Variants in FMN1 observed in about 807,000 individuals in gnomAD.
The protein encoded by FMN1 is formin-1.
Under a neutral mutation model 132.4 loss-of-function variants are expected in FMN1, and 110 were observed. The ratio of observed to expected loss-of-function variants is 0.83; its 90% CI spans 0.71 to 0.97. The LOEUF (loss-of-function observed/expected upper bound fraction) is 0.97. Among genes scored for constraint, FMN1 ranks in the 50% least tolerant of loss-of-function variants. The pLI, the probability that FMN1 is intolerant of heterozygous loss-of-function variation, is 0.00. For missense variants in FMN1, 1,792 were observed against 1,705.3 expected (o/e 1.05, Z -0.90); for synonymous variants, 722 against 651.7 (o/e 1.11, Z -1.64).
intron 14 of FMN1, among the ~76,000 whole-genome samples, chr15:32,899,619 A>C (rs1034678664): frequency 9.8e-5 from 15 of 152,326 alleles, no homozygotes; most frequent in Admixed American, 8.5e-4. Flanking sequence ...GAATGAGTAA[A>C]CTACTAGTAG....
At chr15:32,903,201 G>A (rs1426047861) in intron 12 of FMN1, among the ~76,000 whole-genome samples, 2 of 151,956 alleles carry the variant, frequency 1.3e-5, no homozygotes, top group African/African-American at 2.4e-5. Flanking sequence ...ATGAAAGCAA[G>A]GAATATCCAT....
Position 32,910,489 on chromosome 15 carries a change from T to A in FMN1, c.3273A>T (p.Ala1091=). 6.3e-7 allele frequency: 1 copy of A among 1,579,744 alleles called. No individual in the cohort carries two copies. The highest frequency in any genetic ancestry group is 1.3e-5 in the African/African-American group (1 of 74,310). The change falls in exon 11 of 21, where the codon GCA becomes GCT. Residue 1091 remains alanine (A), a synonymous_variant. Coordinates refer to ENST00000616417, the MANE Select transcript of FMN1 (RefSeq NM_001277313.2). ...TGACACTCACGTTTTCATATAAGGC[T>A]GCCAGGGTCTCCAGATCAACCACGG... The part of the protein sequence containing the change: ...DDSVVDLETL[A]ALYENRAQED...
intron 7 of FMN1, among the ~76,000 whole-genome samples, chr15:32,972,330 G>A (rs1284298483): frequency 6.6e-6 from 1 of 152,002 alleles, no homozygotes; most frequent in East Asian, 1.9e-4. Flanking sequence ...AATTCCTTTA[G>A]CTATGGCACT....
chr15:32,913,987 T>C (rs1057316847), intron 10 of FMN1, among the ~76,000 whole-genome samples: 1 of 152,168 alleles, frequency 6.6e-6, no homozygotes, highest in Non-Finnish European at 1.5e-5. Flanking sequence ...ATCATGGTTG[T>C]TTGCTTCTTC....
Position 33,045,164 on chromosome 15 carries a change from T to C in FMN1, c.2161+19793A>G, listed in dbSNP as rs558221581. ...AGCCGTGGAAGCTGCTTGTGGTACA[T>C]AGTCCAGCCATAGCCTCGCAGGGAG... On this transcript the variant is annotated intron_variant, in intron 6 of 20. Transcript: ENST00000616417. 5.9e-5 allele frequency among the ~76,000 whole-genome samples: 9 copies of C among 152,356 alleles called. No individual in the cohort carries two copies. In the South Asian group the frequency reaches 1.9e-3, roughly 32 times the overall value.
intron 16 of FMN1, 65 bp from the exon 17 acceptor site, chr15:32,857,172 G>A (rs2059152759): frequency 4.0e-6 from 5 of 1,237,752 alleles, no homozygotes; most frequent in Non-Finnish European, 6.0e-6. Context: ...CTATGGGCCA[G>A]GTACTGTGCT....
intron 6 of FMN1, among the ~76,000 whole-genome samples, chr15:33,014,141 T>C (rs2034898773): frequency 6.6e-6 from 1 of 152,262 alleles, no homozygotes; most frequent in South Asian, 2.1e-4. Context: ...CTAATGCCTT[T>C]ACTACTGGCA....
At chr15:33,137,722 C>T (rs928454640) in intron 4 of FMN1, among the ~76,000 whole-genome samples, 2 of 152,194 alleles carry the variant, frequency 1.3e-5, no homozygotes, top group African/African-American at 4.8e-5. Context: ...TACATGATTA[C>T]AGACATCAGA....
intron 17 of FMN1, among the ~76,000 whole-genome samples, chr15:32,810,300 G>GT (rs1005784221): frequency 3.9e-5 from 6 of 152,192 alleles, no homozygotes; most frequent in South Asian, 2.1e-4. Context: ...TTAAGTGCCT[G>GT]TTTTTTGGCA....
At chr15:33,127,031 T>C (rs181106211) in intron 4 of FMN1, among the ~76,000 whole-genome samples, 19 of 152,268 alleles carry the variant, frequency 1.2e-4, no homozygotes, top group African/African-American at 4.6e-4. Flanking sequence ...AACTGCAAGA[T>C]GCATGTTGCA....
intron 16 of FMN1, chr15:32,860,861 A>G (rs1287431326): frequency 6.6e-6 from 1 of 152,170 alleles, no homozygotes; most frequent in African/African-American, 2.4e-5. Context: ...AATGTCCACC[A>G]CCTCATCCCA....
chr15:33,021,926 A>G lies in FMN1; in HGVS notation c.2162-13851T>C, dbSNP rs541351775. ...TGGCCACAAAACAAATCTTCTAGAAAAGGCACACACTTAACTAGAATAAAA... is the reference window on the plus strand; with the variant it reads ...TGGCCACAAAACAAATCTTCTAGAAGAGGCACACACTTAACTAGAATAAAA... On this transcript the variant is annotated intron_variant, in intron 6 of 20. Coordinates refer to ENST00000616417, the MANE Select transcript of FMN1 (RefSeq NM_001277313.2). Among the ~76,000 whole-genome samples, 8 of 152,332 alleles carry G rather than the reference A, an allele frequency of 5.3e-5. No homozygotes were observed. The South Asian group carries it at 1.4e-3, about 28-fold the overall frequency.
intron 4 of FMN1, among the ~76,000 whole-genome samples, chr15:33,152,767 A>T (rs1237036369): frequency 3.6e-5 from 4 of 110,022 alleles, no homozygotes; most frequent in Non-Finnish European, 6.7e-5. Flanking sequence ...ACGCAACCAC[A>T]GAAGTAACTT....
intron 17 of FMN1, among the ~76,000 whole-genome samples, chr15:32,823,155 T>TG (rs1419947220): frequency 1.4e-4 from 5 of 36,452 alleles, no homozygotes; most frequent in Non-Finnish European, 3.0e-4. Flanking sequence ...TTCTACTGTT[T>TG]TTTTTTTTTT....
At chr15:33,067,391 C>T (rs768145177) in intron 5 of FMN1, 2 of 1,613,982 alleles carry the variant, frequency 1.2e-6, no homozygotes, top group Admixed American at 1.7e-5. Flanking sequence ...GGACTTTGGG[C>T]CATTGGTGCT....
chr15:33,117,078 A>T (rs930398675), intron 4 of FMN1, among the ~76,000 whole-genome samples: 16 of 152,164 alleles, frequency 1.1e-4, no homozygotes, highest in African/African-American at 3.9e-4. Flanking sequence ...CCTATTTGAA[A>T]TAAAGTTAGC....
At chr15:32,836,968 T>C (rs1431115017) in intron 17 of FMN1, 1 of 220,840 alleles carries the variant, frequency 4.5e-6, no homozygotes, top group Non-Finnish European at 1.0e-5. Flanking sequence ...GATGCATTTT[T>C]TTTTTTTCAG....
Position 32,849,062 on chromosome 15 carries a change from C to A in FMN1, c.3928+7953G>T, listed in dbSNP as rs575844915. On this transcript the variant is annotated intron_variant, in intron 17 of 20. Transcript: ENST00000616417. Reference sequence around the variant, plus strand: ...GCAGTGGCGCAATCTCGGCTCACTGCAAGCTCTGCCTCCCGGGTTCATGCC... The same window carrying A: ...GCAGTGGCGCAATCTCGGCTCACTGAAAGCTCTGCCTCCCGGGTTCATGCC... Among the ~76,000 whole-genome samples, 165 of 142,906 alleles carry A rather than the reference C, an allele frequency of 1.2e-3. 1 individual carries two copies. The South Asian group carries it at 0.014, about 12-fold the overall frequency. 93.8% of individuals were successfully genotyped at this position (142,906 alleles called of 152,430 possible). A position where few individuals can be genotyped will look rare whatever the true frequency, so the allele number is the denominator to read the frequency against.
chr15:32,975,334 T>C (rs1013162334), intron 7 of FMN1, among the ~76,000 whole-genome samples: 1 of 152,228 alleles, frequency 6.6e-6, no homozygotes, highest in Non-Finnish European at 1.5e-5. Context: ...ACTGCTTGCC[T>C]AGTTAGCCAT....
Sources: allele counts gnomAD v4.1 joint callset (sites outside exome capture counted in the v4.1 genomes callset), GRCh38; gene constraint gnomAD v4.1.1; transcripts MANE v1.5; gene names NCBI Gene and HGNC (gene_info 2026-07-23, HGNC 2026-07-21).